Variants in MITF observed in about 807,000 individuals in gnomAD.
MITF encodes the protein melanocyte inducing transcription factor.
Under a neutral mutation model 60.5 loss-of-function variants are expected in MITF, and 17 were observed. The ratio of observed to expected loss-of-function variants is 0.28; its 90% CI spans 0.19 to 0.42. The LOEUF (loss-of-function observed/expected upper bound fraction) is 0.42. Ranked by LOEUF, MITF falls within the 10% of genes least tolerant of loss-of-function variation. The pLI, the probability that MITF is intolerant of heterozygous loss-of-function variation, is 1.00. For missense variants in MITF, 622 were observed against 683.5 expected (o/e 0.91, Z 1.00); for synonymous variants, 260 against 248.5 (o/e 1.05, Z -0.43).
intron 1 of MITF, among the ~76,000 whole-genome samples, chr3:69,774,319 C>T (rs542390498): frequency 1.3e-4 from 20 of 152,102 alleles, no homozygotes; most frequent in Non-Finnish European, 1.9e-4. Context: ...GGTTTAGGGA[C>T]CGTCTTTTAT....
intron 1 of MITF, among the ~76,000 whole-genome samples, chr3:69,789,327 GGAC>G (rs1429716588): frequency 1.3e-5 from 2 of 152,130 alleles, no homozygotes; most frequent in Non-Finnish European, 2.9e-5. Context: ...AATTGGCAAA[GGAC>G]TTTAAGAGAC....
chr3:69,844,058 G>A (rs2063687764), intron 1 of MITF, among the ~76,000 whole-genome samples: 1 of 152,114 alleles, frequency 6.6e-6, no homozygotes, highest in South Asian at 2.1e-4. Flanking sequence ...CCATGTCCCT[G>A]CAAAGGAAAA....
chr3:69,943,620 A>G (rs542626602), intron 5 of MITF, among the ~76,000 whole-genome samples: 6 of 152,282 alleles, frequency 3.9e-5, no homozygotes, highest in South Asian at 2.1e-4. Flanking sequence ...CTGAGCCCCT[A>G]TAATGTATCA....
intron 1 of MITF, among the ~76,000 whole-genome samples, chr3:69,763,123 T>A (rs954242805): frequency 8.5e-5 from 13 of 152,156 alleles, no homozygotes; most frequent in Admixed American, 3.3e-4. Flanking sequence ...TCAAAAGAAT[T>A]CCAAGTCAAA....
chr3:69,906,682 G>C (rs1169066177), intron 2 of MITF, among the ~76,000 whole-genome samples: 1 of 152,050 alleles, frequency 6.6e-6, no homozygotes, highest in Admixed American at 6.6e-5. Flanking sequence ...TATCACTTCG[G>C]AAGTGACTTC....
At chr3:69,931,063 T>A (rs2065712094) in intron 2 of MITF, among the ~76,000 whole-genome samples, 1 of 152,236 alleles carries the variant, frequency 6.6e-6, no homozygotes, top group African/African-American at 2.4e-5. Flanking sequence ...TCCCCCTATC[T>A]TTTTTACTTT....
intron 9 of MITF, among the ~76,000 whole-genome samples, chr3:69,959,989 T>A (rs948748963): frequency 7.9e-5 from 12 of 152,210 alleles, no homozygotes; most frequent in African/African-American, 2.7e-4. Flanking sequence ...AAGGTGACCT[T>A]CAACAGAAAC....
chr3:69,953,245 C>G (rs923058373), intron 7 of MITF, among the ~76,000 whole-genome samples: 1 of 152,022 alleles, frequency 6.6e-6, no homozygotes, highest in Non-Finnish European at 1.5e-5. Context: ...ACCTTAGAAA[C>G]AAGATAATTA....
chr3:69,929,495 A>G (rs983560821), intron 2 of MITF, among the ~76,000 whole-genome samples: 2 of 152,070 alleles, frequency 1.3e-5, no homozygotes, highest in Admixed American at 6.6e-5. Flanking sequence ...AGAGATTCTG[A>G]TTCATTAGCT....
intron 1 of MITF, among the ~76,000 whole-genome samples, chr3:69,865,452 ATAATAT>A (rs1316529824): frequency 6.6e-6 from 1 of 152,136 alleles, no homozygotes; most frequent in African/African-American, 2.4e-5. Context: ...TGAATATTTG[ATAATAT>A]TGATGTTGTC....
At chr3:69,781,258 A>G (rs1317211644) in intron 1 of MITF, among the ~76,000 whole-genome samples, 1 of 152,198 alleles carries the variant, frequency 6.6e-6, no homozygotes, top group Non-Finnish European at 1.5e-5. Flanking sequence ...ATACGTGACC[A>G]GGTTGTTAAT....
chr3:69,887,417 A>G (rs997426768), intron 2 of MITF, among the ~76,000 whole-genome samples: 2 of 152,066 alleles, frequency 1.3e-5, no homozygotes, highest in Non-Finnish European at 2.9e-5. Flanking sequence ...TTATAACTGC[A>G]ATCAGTACTA....
rs181801368 is a variant in MITF at position 69,927,816 on chromosome 3, A to G, written c.355-10006A>G. Among the ~76,000 whole-genome samples the G allele has an allele frequency of 2.2e-4, 34 of 152,360 alleles. No homozygotes were observed. In the East Asian group the frequency reaches 5.4e-3, roughly 24 times the overall value. ...AGGCAGTTCACACATCACCCCCACA[A>G]CAAAGCAGTATCTGGCTCCAGTGTC... On this transcript the variant is annotated intron_variant, in intron 2 of 9. Transcript: ENST00000352241.
chr3:69,776,723 G>A (rs780067013), intron 1 of MITF, among the ~76,000 whole-genome samples: 8 of 152,136 alleles, frequency 5.3e-5, no homozygotes, highest in Non-Finnish European at 1.2e-4. Flanking sequence ...TAGTTATAAT[G>A]TCAATTTTTA....
intron 1 of MITF, among the ~76,000 whole-genome samples, chr3:69,801,609 C>A (rs1316057122): frequency 6.6e-6 from 1 of 152,104 alleles, no homozygotes; most frequent in Non-Finnish European, 1.5e-5. Flanking sequence ...TTGGAAGAGG[C>A]AACTGTGATA....
At chr3:69,820,634 G>T (rs1332750404) in intron 1 of MITF, among the ~76,000 whole-genome samples, 2 of 152,130 alleles carry the variant, frequency 1.3e-5, no homozygotes, top group African/African-American at 4.8e-5. Context: ...AAACCTAGGG[G>T]ATGTGATAGA....
chr3:69,893,994 A>C, intron 2 of MITF, among the ~76,000 whole-genome samples: 1 of 152,250 alleles, frequency 6.6e-6, no homozygotes, highest in East Asian at 1.9e-4. Context: ...TAAAGTTTCA[A>C]GAAAAATTAA....
intron 2 of MITF, among the ~76,000 whole-genome samples, chr3:69,892,308 G>T (rs561891064): frequency 6.6e-6 from 1 of 152,258 alleles, no homozygotes; most frequent in South Asian, 2.1e-4. Context: ...TTTTAGAGCA[G>T]CTTTAGGTTC....
chr3:69,799,840 A>G (rs550819959), intron 1 of MITF, among the ~76,000 whole-genome samples: 42 of 152,288 alleles, frequency 2.8e-4, no homozygotes, highest in Middle Eastern at 3.4e-3. Context: ...AAAGAAACCT[A>G]TACTGGGACC....
Sources: allele counts gnomAD v4.1 joint callset (sites outside exome capture counted in the v4.1 genomes callset), GRCh38; gene constraint gnomAD v4.1.1; transcripts MANE v1.5; gene names NCBI Gene and HGNC (gene_info 2026-07-23, HGNC 2026-07-21).